Variants in NME8 observed in about 807,000 individuals in gnomAD.
The protein encoded by NME8 is NME/NM23 family member 8.
Under a neutral mutation model 82.3 loss-of-function variants are expected in NME8, and 72 were observed. The ratio of observed to expected loss-of-function variants is 0.87; its 90% confidence interval spans 0.72 to 1.06. The LOEUF (loss-of-function observed/expected upper bound fraction) is 1.06, where lower values mean the gene tolerates loss of function less well. Ranked by LOEUF, NME8 falls within the 50% of genes least tolerant of loss-of-function variation. The pLI is 0.00. For synonymous variants in NME8, 267 were observed against 228.5 expected, an observed-to-expected ratio of 1.17 and a Z score of -1.52; for missense variants, 712 against 685.4, an observed-to-expected ratio of 1.04 and a Z score of -0.43.
intron 9 of NME8, 128 bp from the exon 10 acceptor site, chr7:37,865,397 A>G (rs1042846194): frequency 2.6e-5 from 18 of 696,498 alleles, no homozygotes; most frequent in Non-Finnish European, 4.5e-5. Context: ...AGTGTCCTAT[A>G]GATTTTGCTG....
chr7:37,874,923 A>G (rs1583636086), intron 11 of NME8, among the ~76,000 whole-genome samples: 3 of 152,200 alleles, frequency 2.0e-5, no homozygotes, highest in East Asian at 1.9e-4. Flanking sequence ...GGGGGATATC[A>G]ACTACATTAA....
At chr7:37,854,851 A>G (rs1014186381) in intron 5 of NME8, among the ~76,000 whole-genome samples, 2 of 152,088 alleles carry the variant, frequency 1.3e-5, no homozygotes, top group African/African-American at 4.8e-5. Context: ...TGACTTCCTT[A>G]ATTGGCTCTG....
chr7:37,893,152 T>C (rs1344802798), intron 15 of NME8, among the ~76,000 whole-genome samples: 1 of 152,106 alleles, frequency 6.6e-6, no homozygotes, highest in African/African-American at 2.4e-5. Context: ...TCTGTTTGTC[T>C]TGAACGTTAA....
chr7:37,881,030 T>C lies in NME8; in HGVS notation c.995-3273T>C, dbSNP rs149832744. Reference sequence around the variant, plus strand: ...TCTTATCAGTGCCCGAAGTTTTGTGTTGTTGTTATTGACAATGATGATGAT... The same window carrying C: ...TCTTATCAGTGCCCGAAGTTTTGTGCTGTTGTTATTGACAATGATGATGAT... On this transcript the variant is annotated intron_variant, in intron 12 of 17. Transcript: ENST00000199447. 2.6e-3 allele frequency among the ~76,000 whole-genome samples: 402 copies of C among 152,288 alleles called. 2 individuals carry two copies. The highest frequency in any genetic ancestry group is 9.4e-3 in the African/African-American group (389 of 41,570).
chr7:37,860,979 A>G (rs1386232124), intron 6 of NME8, among the ~76,000 whole-genome samples: 1 of 152,090 alleles, frequency 6.6e-6, no homozygotes, highest in Non-Finnish European at 1.5e-5. Flanking sequence ...GGTCTCTGTC[A>G]CACTCATCTA....
In NME8 at chr7:37,888,464, T is replaced by A. The variant is rs757612079; in HGVS notation, c.1399+36T>A. On this transcript the variant is annotated intron_variant, in intron 15 of 17. Transcript: ENST00000199447. ...AAGAATAAAAGTGAATGTATACATT[T>A]TCTCCAAATTTTGTGAACATTTAAA... 13 of 1,576,052 alleles carry A rather than the reference T, an allele frequency of 8.2e-6. No homozygotes were observed. In the South Asian group the frequency reaches 1.5e-4, roughly 18 times the overall value.
At chr7:37,893,415 A>G (rs1401645427) in intron 15 of NME8, among the ~76,000 whole-genome samples, 1 of 152,116 alleles carries the variant, frequency 6.6e-6, no homozygotes, top group African/African-American at 2.4e-5. Flanking sequence ...TTTAGAGGAA[A>G]GTCCAGATTT....
intron 11 of NME8, among the ~76,000 whole-genome samples, chr7:37,869,534 C>G (rs1583633279): frequency 6.6e-6 from 1 of 152,232 alleles, no homozygotes; most frequent in East Asian, 1.9e-4. Context: ...CTCCAATTGT[C>G]CAATACTCGC....
chr7:37,855,432 G>GTTAGCC (rs1468572865), intron 5 of NME8, among the ~76,000 whole-genome samples: 1 of 152,116 alleles, frequency 6.6e-6, no homozygotes, highest in Non-Finnish European at 1.5e-5. Flanking sequence ...AAATGGTTGA[G>GTTAGCC]TTAGCCTATC....
intron 5 of NME8, 41 bp from the exon 6 acceptor site, chr7:37,857,233 T>C (rs1179872205): frequency 7.0e-7 from 1 of 1,418,508 alleles, no homozygotes; most frequent in African/African-American, 1.4e-5. Flanking sequence ...TACTTGAATA[T>C]AGTTTTATTT....
At chr7:37,894,234 T>C (rs1785180730) in intron 15 of NME8, among the ~76,000 whole-genome samples, 1 of 152,166 alleles carries the variant, frequency 6.6e-6, no homozygotes, top group South Asian at 2.1e-4. Flanking sequence ...ACTAGGTGTT[T>C]CAGGTGGTTT....
chr7:37,869,791 G>C (rs1381738761), intron 11 of NME8, among the ~76,000 whole-genome samples: 2 of 152,078 alleles, frequency 1.3e-5, no homozygotes, highest in Non-Finnish European at 2.9e-5. Flanking sequence ...ATGCTTGTTT[G>C]GTGTGCTCGG....
chr7:37,870,383 G>A (rs1034655360), intron 11 of NME8, among the ~76,000 whole-genome samples: 2 of 152,052 alleles, frequency 1.3e-5, no homozygotes, highest in South Asian at 4.1e-4. Context: ...GAGGTCAGGA[G>A]ATCGAGACCA....
At chr7:37,878,194 A>ATT (rs976494663) in intron 12 of NME8, among the ~76,000 whole-genome samples, 1 of 152,022 alleles carries the variant, frequency 6.6e-6, no homozygotes, top group Non-Finnish European at 1.5e-5. Flanking sequence ...GTTTTTCTCA[A>ATT]TTTTTTTGTA....
intron 15 of NME8, among the ~76,000 whole-genome samples, chr7:37,893,187 T>C (rs1305549284): frequency 6.6e-6 from 1 of 152,122 alleles, no homozygotes; most frequent in Non-Finnish European, 1.5e-5. Context: ...TGTCTTTATC[T>C]AAGAACTGTA....
At chr7:37,856,610 T>TTGAA (rs1428722395) in intron 5 of NME8, among the ~76,000 whole-genome samples, 2 of 152,242 alleles carry the variant, frequency 1.3e-5, no homozygotes, top group Non-Finnish European at 2.9e-5. Flanking sequence ...GACACTATTA[T>TTGAA]TGAATGTATA....
intron 12 of NME8, among the ~76,000 whole-genome samples, chr7:37,881,837 A>G (rs539285762): frequency 1.3e-5 from 2 of 152,166 alleles, no homozygotes; most frequent in African/African-American, 4.8e-5. Context: ...TATCTAATAG[A>G]TATAGGGCTA....
At chr7:37,864,062 C>T (rs918025335) in intron 8 of NME8, among the ~76,000 whole-genome samples, 5 of 152,184 alleles carry the variant, frequency 3.3e-5, no homozygotes, top group African/African-American at 4.8e-5. Context: ...GTGATTCTTA[C>T]GCATGGGAAT....
At chr7:37,863,034 C>T (rs1028127047) in intron 7 of NME8, among the ~76,000 whole-genome samples, 1 of 151,996 alleles carries the variant, frequency 6.6e-6, no homozygotes, top group Non-Finnish European at 1.5e-5. Context: ...GCAGGAGAAT[C>T]GCTTGAACCC....
Sources: gnomAD v4.1 joint callset for allele counts (sites outside exome capture counted in the v4.1 genomes callset) on GRCh38, gnomAD v4.1.1 for gene constraint, MANE v1.5 for transcripts, NCBI Gene and HGNC (gene_info 2026-07-23, HGNC 2026-07-21) for gene names.